Variants in ADAM12 observed in about 807,000 individuals in gnomAD.
ADAM12 encodes ADAM metallopeptidase domain 12.
ADAM12 carries 70 observed loss-of-function variants against 106.4 expected under a neutral mutation model. That is an observed-to-expected ratio of 0.66 (90% confidence interval 0.54 to 0.80). ADAM12 has a LOEUF of 0.80. Among genes scored for constraint, ADAM12 ranks in the 30% least tolerant of loss-of-function variants. The pLI, the probability that ADAM12 is intolerant of heterozygous loss-of-function variation, is 0.00. For missense variants in ADAM12, 1,010 were observed against 1,171.9 expected, an observed-to-expected ratio of 0.86 and a Z score of 2.02; for synonymous variants, 420 against 433.5, an observed-to-expected ratio of 0.97 and a Z score of 0.39.
chr10:126,297,321 T>A (rs1180456566), intron 2 of ADAM12, among the ~76,000 whole-genome samples: 1 of 152,090 alleles, frequency 6.6e-6, no homozygotes, highest in Non-Finnish European at 1.5e-5. Flanking sequence ...GGCAGGAGGA[T>A]CACTTGATGA....
chr10:126,071,566 G>C lies in ADAM12; in HGVS notation c.1234C>G (p.Leu412Val), dbSNP rs1954991821. Residue 412 changes from leucine to valine, a missense_variant, in exon 12 of 23, where the codon CTG becomes GTG. Around this residue, in one of 3 missense-constraint regions of ADAM12, gnomAD observed 615 missense variants for 708.5 expected, o/e 0.87. Transcript: ENST00000448723. ...CCGAAAGACTCCCTGACTTCCGGCA[G>C]GTTAAACAGGCACACCCCCATTCCT... Reference protein sequence around the residue: ...EKGMGVCLFNLPEVRESFGGQ... With the variant: ...EKGMGVCLFNVPEVRESFGGQ... 1.2e-6 allele frequency: 2 copies of C among 1,614,052 alleles called. No individual in the cohort carries two copies. The highest frequency in any genetic ancestry group is 1.3e-5 in the African/African-American group (1 of 74,918).
chr10:126,186,070 G>A (rs1398940141), intron 3 of ADAM12, among the ~76,000 whole-genome samples: 1 of 152,196 alleles, frequency 6.6e-6, no homozygotes, highest in Non-Finnish European at 1.5e-5. Context: ...AGAGGGGACT[G>A]TGCCTGTCCT....
At chr10:126,199,901 T>C (rs1008802626) in intron 3 of ADAM12, among the ~76,000 whole-genome samples, 5 of 152,156 alleles carry the variant, frequency 3.3e-5, no homozygotes, top group African/African-American at 4.8e-5. Flanking sequence ...AAGCAATGCT[T>C]TTTGGTCAAA....
At chr10:126,351,677 A>G (rs956350882) in intron 1 of ADAM12, among the ~76,000 whole-genome samples, 3 of 152,152 alleles carry the variant, frequency 2.0e-5, no homozygotes, top group African/African-American at 7.2e-5. Context: ...GACCTGCATG[A>G]AAACACCCCC....
At chr10:126,172,786 T>C (rs1413356203) in intron 3 of ADAM12, among the ~76,000 whole-genome samples, 2 of 152,248 alleles carry the variant, frequency 1.3e-5, no homozygotes, top group African/African-American at 2.4e-5. Context: ...TAAATCATTC[T>C]ACTATAAAGA....
chr10:126,243,907 G>A (rs929416088), intron 3 of ADAM12, among the ~76,000 whole-genome samples: 4 of 152,150 alleles, frequency 2.6e-5, no homozygotes, highest in African/African-American at 4.8e-5. Context: ...TCCTCTATAC[G>A]CTTTTAACAA....
intron 18 of ADAM12, among the ~76,000 whole-genome samples, chr10:126,042,708 G>C (rs1333327135): frequency 6.6e-6 from 1 of 152,136 alleles, no homozygotes; most frequent in Non-Finnish European, 1.5e-5. Context: ...CACAGATGTC[G>C]GCCTTTACAA....
chr10:126,136,399 G>T (rs1336192242), intron 4 of ADAM12, among the ~76,000 whole-genome samples: 2 of 152,180 alleles, frequency 1.3e-5, no homozygotes, highest in Non-Finnish European at 2.9e-5. Context: ...CTGGCAAGAA[G>T]TGGCTGAGTA....
chr10:126,283,804 C>T (rs1200745465), intron 2 of ADAM12, among the ~76,000 whole-genome samples: 1 of 152,124 alleles, frequency 6.6e-6, no homozygotes, highest in East Asian at 1.9e-4. Context: ...GAACAGAATG[C>T]CTTAATTTTA....
At chr10:126,176,782 C>T (rs1051994773) in intron 3 of ADAM12, among the ~76,000 whole-genome samples, 1 of 152,086 alleles carries the variant, frequency 6.6e-6, no homozygotes, top group African/African-American at 2.4e-5. Flanking sequence ...AGCGTGGAGA[C>T]GTGTGTGGTT....
At chr10:126,184,917 C>CCATCCTGT (rs1295287870) in intron 3 of ADAM12, among the ~76,000 whole-genome samples, 1 of 152,192 alleles carries the variant, frequency 6.6e-6, no homozygotes, top group Non-Finnish European at 1.5e-5. Flanking sequence ...GTGACCATCA[C>CCATCCTGT]CATCCTGTGT....
At chr10:126,380,301 G>A (rs964490394) in intron 1 of ADAM12, among the ~76,000 whole-genome samples, 1 of 152,186 alleles carries the variant, frequency 6.6e-6, no homozygotes, top group South Asian at 2.1e-4. Flanking sequence ...GGCAAATAAT[G>A]TTCATTTGAA....
intron 1 of ADAM12, among the ~76,000 whole-genome samples, chr10:126,335,578 C>T (rs1854671523): frequency 6.6e-6 from 1 of 152,146 alleles, no homozygotes; most frequent in Admixed American, 6.5e-5. Flanking sequence ...GCAAGATTTC[C>T]TTTCAGATTC....
At chr10:126,251,861 CAGAT>C (rs1958775637) in intron 3 of ADAM12, among the ~76,000 whole-genome samples, 2 of 2,732 alleles carry the variant, frequency 7.3e-4, no homozygotes, top group Non-Finnish European at 1.5e-3. Context: ...ATGGATAGGA[CAGAT>C]GGATGGATGG....
At chr10:126,324,306 G>A (rs974875864) in intron 2 of ADAM12, among the ~76,000 whole-genome samples, 1 of 152,222 alleles carries the variant, frequency 6.6e-6, no homozygotes, top group African/African-American at 2.4e-5. Context: ...GTAGGACTGA[G>A]GGAGTCAGGG....
chr10:126,038,384 G>C (rs1954096722), intron 19 of ADAM12, 35 bp from the exon 20 acceptor site: 2 of 1,484,304 alleles, frequency 1.3e-6, no homozygotes, highest in Non-Finnish European at 1.8e-6. Context: ...GACCAAGCGT[G>C]TTTCCCCTTC....
In ADAM12 at chr10:126,158,521, G is replaced by A. The variant is rs1199175372; in HGVS notation, c.261-3216C>T. On this transcript the variant is annotated intron_variant, in intron 3 of 22. Coordinates refer to ENST00000448723, the MANE Select transcript of ADAM12 (RefSeq NM_001288973.2). ...CGGAGAGAGGATGCACAGAGCACGG[G>A]GAGGATGCACAGAGCACGGGGAGGA... is the stretch of plus-strand genomic sequence containing the variant. Among the ~76,000 whole-genome samples, 2 of 94,722 alleles carry A rather than the reference G, an allele frequency of 2.1e-5. 1 individual carries two copies. The highest frequency in any genetic ancestry group is 6.8e-5 in the African/African-American group (2 of 29,236). The allele number at this position is 94,722 out of a possible 152,430, so 62.1% of individuals were successfully genotyped here.
chr10:126,232,346 C>T (rs938470780), intron 3 of ADAM12, among the ~76,000 whole-genome samples: 2 of 152,108 alleles, frequency 1.3e-5, no homozygotes, highest in African/African-American at 4.8e-5. Context: ...CTAAAAAAGT[C>T]AAAGAAATAG....
intron 1 of ADAM12, among the ~76,000 whole-genome samples, chr10:126,384,525 C>T (rs1244483779): frequency 6.6e-6 from 1 of 151,818 alleles, no homozygotes; most frequent in Non-Finnish European, 1.5e-5. Flanking sequence ...GTAATGTATG[C>T]CTAAAAAGTA....
Sources: gnomAD v4.1 joint callset for allele counts (sites outside exome capture counted in the v4.1 genomes callset) on GRCh38, gnomAD v4.1.1 for gene constraint, gnomAD v4.1.1 regional missense constraint, MANE v1.5 for transcripts, NCBI Gene and HGNC (gene_info 2026-07-23, HGNC 2026-07-21) for gene names.